SH2B3: variants seen among roughly 807,000 people sequenced by gnomAD.
SH2B3 encodes the protein SH2B adaptor protein 3.
A neutral mutation model predicts 51.9 loss-of-function variants in SH2B3; 43 were observed. The observed-to-expected ratio is 0.83, with a 90% CI of 0.65 to 1.07. SH2B3 has a LOEUF of 1.07. Ranked by LOEUF, SH2B3 falls within the 50% of genes least tolerant of loss-of-function variation. SH2B3 has a pLI of 0.00. For synonymous variants in SH2B3, 396 were observed against 376.0 expected, an observed-to-expected ratio of 1.05 and a Z score of -0.62; for missense variants, 952 against 834.3, an observed-to-expected ratio of 1.14 and a Z score of -1.74.
chr12:111,421,762 T>G (rs1360832258), intron 2 of SH2B3, among the ~76,000 whole-genome samples: 1 of 152,192 alleles, frequency 6.6e-6, no homozygotes, highest in Non-Finnish European at 1.5e-5. Context: ...TGCACAGCTG[T>G]CTCCATGTCC....
intron 1 of SH2B3, among the ~76,000 whole-genome samples, chr12:111,417,460 T>TTTTTTTTATTTATTTATTTA (rs1555223973): frequency 8.2e-5 from 12 of 147,220 alleles, no homozygotes; most frequent in Admixed American, 7.4e-4. Context: ...AGGGCCTTTA[T>TTTTTTTTATTTATTTATTTA]TTTATTTATT....
At position 111,418,746 on chromosome 12, in the gene SH2B3, C is replaced by A; in HGVS notation, c.601C>A (p.Leu201Met). ...ACCCGAGGCGCTGAAGGAGGCGGTG[C>A]TGCGCTACAGCCTGGCCGACGAGGC... ...PPPEALKEAV[L>M]RYSLADEASM... The change falls in exon 2 of 8, where the codon CTG becomes ATG. Residue 201 changes from leucine (L) to methionine (M), a missense_variant. Physicochemically the swap from Leu to Met is conservative, Grantham distance 15. Transcript: ENST00000341259. The surrounding 1 kb of genome is among the most constrained non-coding windows in gnomAD (Gnocchi z 6.7). 1 of 1,484,638 alleles carries A rather than the reference C, an allele frequency of 6.7e-7. No individual in the cohort carries two copies. The highest frequency in any genetic ancestry group is 8.9e-7 in the Non-Finnish European group (1 of 1,125,226). 92.0% of individuals were successfully genotyped at this position (1,484,638 alleles called of 1,614,324 possible).
At chr12:111,421,798 T>C (rs1428720671) in intron 2 of SH2B3, among the ~76,000 whole-genome samples, 5 of 152,218 alleles carry the variant, frequency 3.3e-5, no homozygotes, top group Admixed American at 1.3e-4. Flanking sequence ...CCATCCTCTG[T>C]TGATGAATAT....
intron 2 of SH2B3, among the ~76,000 whole-genome samples, chr12:111,427,932 G>A (rs1023915187): frequency 1.3e-5 from 2 of 152,260 alleles, no homozygotes; most frequent in Non-Finnish European, 2.9e-5. Flanking sequence ...GTCTGAGAGA[G>A]CTTAGGTGGC....
At position 111,450,213 on chromosome 12, in the gene SH2B3, G is replaced by C. The variant is rs780808994; in HGVS notation, c.*1911G>C. 6.6e-6 allele frequency: 1 copy of C among 152,256 alleles called. No homozygotes were observed. Among genetic ancestry groups the C allele is most frequent in the African/African-American group, 2.4e-5 (1 of 41,446 alleles). 9.4% of individuals were successfully genotyped at this position (152,256 alleles called of 1,614,324 possible). On this transcript the variant is annotated 3_prime_UTR_variant, in exon 8 of 8. Transcript: ENST00000341259. ...GCTGGGATTACAGGCGCGAGCCACC[G>C]CGCCCAGCCTACACCACTTTTAGTA...
chr12:111,444,359 T>G (rs938731082), intron 2 of SH2B3, among the ~76,000 whole-genome samples: 5 of 152,068 alleles, frequency 3.3e-5, no homozygotes, highest in African/African-American at 1.2e-4. Context: ...AAGAAAGAAA[T>G]AGATTATTCC....
intron 2 of SH2B3, among the ~76,000 whole-genome samples, chr12:111,431,080 C>T (rs1159106466): frequency 6.6e-6 from 1 of 152,226 alleles, no homozygotes; most frequent in African/African-American, 2.4e-5. Context: ...AGCTTCCTTT[C>T]TGGGGCCCCA....
rs1477906244 is a variant in SH2B3 at position 111,410,378 on chromosome 12, G to A, written c.-28+4101G>A. On this transcript the variant is annotated intron_variant, in intron 1 of 7. Transcript: ENST00000341259. This position sits in a 1 kb window ranked among gnomAD's most constrained non-coding sequence, Gnocchi z 4.9. ...GATGTCCCCAAGTAGCACGTGGGGA[G>A]GAGGTTCACCCACAGGCTGCCCTCC... Among the ~76,000 whole-genome samples the A allele has an allele frequency of 1.3e-5, 2 of 152,176 alleles. No individual in the cohort carries two copies. The highest frequency in any genetic ancestry group is 2.9e-5 in the Non-Finnish European group (2 of 67,990).
In SH2B3 at chr12:111,429,039, GGAGGAGGAA is replaced by G. The variant is rs1344232267; in HGVS notation, c.732+10171_732+10179del. 6.1e-5 allele frequency among the ~76,000 whole-genome samples: 9 copies of G among 147,322 alleles called. 1 individual carries two copies. The highest frequency in any genetic ancestry group is 1.4e-4 in the Admixed American group (2 of 14,124). On this transcript the variant is annotated intron_variant, in intron 2 of 7. Transcript: ENST00000341259. This position sits in a 1 kb window ranked among gnomAD's most constrained non-coding sequence, Gnocchi z 4.4. ...GCGAGGAGGAGGAGGAGGAGGAGGA[GGAGGAGGAA>G]GAGGAGGAGGAGGAGGAGGAGGGAC...
intron 2 of SH2B3, chr12:111,444,195 A>AAAAAAC (rs879383369): frequency 2.0e-5 from 3 of 152,212 alleles, no homozygotes; most frequent in African/African-American, 2.4e-5. Context: ...AATCTGTCTC[A>AAAAAAC]AAAAACAAAA....
chr12:111,405,125 G>GT (rs1870156784), upstream of SH2B3, among the ~76,000 whole-genome samples: 1 of 152,212 alleles, frequency 6.6e-6, no homozygotes, highest in Non-Finnish European at 1.5e-5. This position sits in a 1 kb window ranked among gnomAD's most constrained non-coding sequence, Gnocchi z 5.4. Context: ...TGGAGAAAAT[G>GT]TAAGTAGCCC....
chr12:111,434,305 A>G (rs886861864), intron 2 of SH2B3, among the ~76,000 whole-genome samples: 4 of 152,254 alleles, frequency 2.6e-5, no homozygotes, highest in African/African-American at 9.6e-5. Flanking sequence ...TGGAGCAGTC[A>G]GTCCCCAAAC....
At chr12:111,437,557 A>AT (rs1872992925) in intron 2 of SH2B3, among the ~76,000 whole-genome samples, 1 of 152,048 alleles carries the variant, frequency 6.6e-6, no homozygotes, top group South Asian at 2.1e-4. Context: ...TATCATCCCC[A>AT]TTTTACAGGT....
chr12:111,447,093 C>CA (rs1417718570), intron 4 of SH2B3, 32 bp from the exon 5 acceptor site: 1 of 1,610,002 alleles, frequency 6.2e-7, no homozygotes, highest in Admixed American at 1.7e-5. Flanking sequence ...CTGACCTGCC[C>CA]AGATCCTTAA....
rs1870621947 is a variant in SH2B3, at chr12:111,410,584, G to A, written c.-28+4307G>A. On this transcript the variant is annotated intron_variant, in intron 1 of 7. Coordinates refer to ENST00000341259, the MANE Select transcript of SH2B3 (RefSeq NM_005475.3). The surrounding 1 kb of genome is among the most constrained non-coding windows in gnomAD (Gnocchi z 4.9). Reference sequence around the variant, plus strand: ...CTGGGATGTCAGGCTGGCGGTGTGGGCAGAGGAAGCCAGAGGACATTTCCT... The same window carrying A: ...CTGGGATGTCAGGCTGGCGGTGTGGACAGAGGAAGCCAGAGGACATTTCCT... 6.6e-6 allele frequency among the ~76,000 whole-genome samples: 1 copy of A among 152,148 alleles called. No individual in the cohort carries two copies. Among genetic ancestry groups the A allele is most frequent in the Non-Finnish European group, 1.5e-5 (1 of 67,998 alleles).
At chr12:111,441,954 CAG>C (rs1224072654) in intron 2 of SH2B3, among the ~76,000 whole-genome samples, 1 of 151,308 alleles carries the variant, frequency 6.6e-6, no homozygotes, top group African/African-American at 2.4e-5. Flanking sequence ...TTTTTTAAGA[CAG>C]GGTCTCACTC....
chr12:111,434,552 G>T (rs1045725406), intron 2 of SH2B3, among the ~76,000 whole-genome samples: 2 of 152,140 alleles, frequency 1.3e-5, no homozygotes, highest in African/African-American at 2.4e-5. Flanking sequence ...TTTCAATTTT[G>T]TTCCTGCATT....
In SH2B3 at chr12:111,429,143, C is replaced by CG. The variant is rs1872265272; in HGVS notation, c.732+10271dup. ...CCCCTGCCCTTCTGAGCCTGTGACC[C>CG]GGGGGAAGGCACTTTGCCCTCCCTG... On this transcript the variant is annotated intron_variant, in intron 2 of 7. Transcript: ENST00000341259. The surrounding 1 kb of genome is among the most constrained non-coding windows in gnomAD (Gnocchi z 4.4). Among the ~76,000 whole-genome samples, 1 of 151,998 alleles carries CG rather than the reference C, an allele frequency of 6.6e-6. No homozygotes were observed. The highest frequency in any genetic ancestry group is 1.5e-5 in the Non-Finnish European group (1 of 67,984).
In SH2B3 at chr12:111,450,381, CAAAAGAGTAA is replaced by C. The variant is rs1874464809; in HGVS notation, c.*2080_*2089del. 6.6e-6 allele frequency: 1 copy of C among 152,180 alleles called. No individual in the cohort carries two copies. The allele number at this position is 152,180 out of a possible 1,614,324, so 9.4% of individuals were successfully genotyped here. A position where few individuals can be genotyped will look rare whatever the true frequency, so the allele number is the denominator to read the frequency against. On this transcript the variant is annotated 3_prime_UTR_variant, in exon 8 of 8. Coordinates refer to ENST00000341259, the MANE Select transcript of SH2B3 (RefSeq NM_005475.3). ...AAAATGAATGCTAATTAGTGTGAAC[CAAAAGAGTAA>C]GTAAGAGTCTGAAGTTTTTTTAAAG...
Sources: gnomAD v4.1 joint callset for allele counts (sites outside exome capture counted in the v4.1 genomes callset) on GRCh38, gnomAD v4.1.1 for gene constraint, Gnocchi (gnomAD v3.1) non-coding constraint, MANE v1.5 for transcripts, NCBI Gene and HGNC (gene_info 2026-07-23, HGNC 2026-07-21) for gene names.